Variants in DDAH1 observed in about 807,000 individuals in gnomAD.
DDAH1 encodes the protein dimethylarginine dimethylaminohydrolase 1, also known as N(G),N(G)-dimethylarginine dimethylaminohydrolase 1.
A neutral mutation model predicts 28.8 loss-of-function variants in DDAH1; 19 were observed. That is an observed-to-expected ratio of 0.66 (90% CI 0.46 to 0.97). DDAH1 has a LOEUF of 0.97. Among genes scored for constraint, DDAH1 ranks in the 50% least tolerant of loss-of-function variants. The pLI is 0.00. For missense variants in DDAH1, 326 were observed against 375.9 expected (o/e 0.87, Z 1.10); for synonymous variants, 153 against 154.4 (o/e 0.99, Z 0.07).
chr1:85,320,273 G>A lies in DDAH1; in HGVS notation c.*1179C>T, dbSNP rs1661268212. The stretch of plus-strand genomic sequence containing the variant: ...ATTGGATCCCACAGTAAATATTCAC[G>A]GATATTTCAAAGTAGAATTGTCCAC... On this transcript the variant is annotated 3_prime_UTR_variant, in exon 6 of 6. Transcript: ENST00000284031. 1 of 152,574 alleles carries A rather than the reference G, an allele frequency of 6.6e-6. No homozygotes were observed. The highest frequency in any genetic ancestry group is 2.4e-5 in the African/African-American group (1 of 41,412). The allele number at this position is 152,574 out of a possible 1,614,324, so 9.5% of individuals were successfully genotyped here.
intron 4 of DDAH1, among the ~76,000 whole-genome samples, 173 bp downstream of exon 4, chr1:85,350,242 G>T (rs750390757): frequency 1.4e-4 from 21 of 152,064 alleles, no homozygotes; most frequent in Non-Finnish European, 2.6e-4. Flanking sequence ...ACACTTAGGT[G>T]TTCCTGGCTT....
intron 1 of DDAH1, among the ~76,000 whole-genome samples, chr1:85,406,860 T>C (rs1421079993): frequency 3.3e-5 from 5 of 152,120 alleles, no homozygotes; most frequent in Non-Finnish European, 5.9e-5. Flanking sequence ...AAAACTATTA[T>C]ATTAAAGCTT....
At chr1:85,508,495 G>T (rs1014412556) in intron 1 of DDAH1, among the ~76,000 whole-genome samples, 1 of 152,204 alleles carries the variant, frequency 6.6e-6, no homozygotes, top group African/African-American at 2.4e-5. Flanking sequence ...CCCATGGAGG[G>T]CAAGCTGAAG....
chr1:85,469,605 C>T (rs78190312), upstream of DDAH1, among the ~76,000 whole-genome samples: 6 of 152,168 alleles, frequency 3.9e-5, no homozygotes, highest in South Asian at 2.1e-4. Context: ...GATTTCCTAC[C>T]GAATGCCAAA....
intron 4 of DDAH1, among the ~76,000 whole-genome samples, 181 bp downstream of exon 4, chr1:85,350,234 A>G (rs942994161): frequency 6.6e-6 from 1 of 151,996 alleles, no homozygotes; most frequent in African/African-American, 2.4e-5. Context: ...TTCTTCCTAC[A>G]CTTAGGTGTT....
intron 1 of DDAH1, among the ~76,000 whole-genome samples, chr1:85,415,589 G>C (rs554245922): frequency 6.6e-6 from 1 of 152,048 alleles, no homozygotes; most frequent in South Asian, 2.1e-4. Context: ...GTAATGTTAA[G>C]TAAAATAAGT....
At chr1:85,338,498 ATTTAC>A (rs1239533737) in intron 4 of DDAH1, among the ~76,000 whole-genome samples, 4 of 152,248 alleles carry the variant, frequency 2.6e-5, no homozygotes, top group South Asian at 4.2e-4. Context: ...GGACATAACA[ATTTAC>A]TTTAGGAATA....
intron 1 of DDAH1, among the ~76,000 whole-genome samples, chr1:85,426,680 G>A (rs1570526579): frequency 6.6e-6 from 1 of 152,218 alleles, no homozygotes; most frequent in East Asian, 1.9e-4. Context: ...GGTCGAGGTG[G>A]GAGGATGGCT....
At chr1:85,479,747 GT>G (rs1372036696) in intron 2 of DDAH1, among the ~76,000 whole-genome samples, 2 of 152,180 alleles carry the variant, frequency 1.3e-5, no homozygotes, top group Non-Finnish European at 2.9e-5. Context: ...TGCTAGTTCA[GT>G]TTGCTGGGCC....
chr1:85,344,614 T>A (rs916279689), intron 4 of DDAH1, among the ~76,000 whole-genome samples: 5 of 145,340 alleles, frequency 3.4e-5, no homozygotes, highest in Non-Finnish European at 7.6e-5. Context: ...CTTTCCTTCC[T>A]TAAGAAAATT....
intron 4 of DDAH1, among the ~76,000 whole-genome samples, chr1:85,330,986 G>A (rs1326852047): frequency 6.6e-6 from 1 of 152,224 alleles, no homozygotes; most frequent in African/African-American, 2.4e-5. Flanking sequence ...CAGCTGTAGG[G>A]AGGAAATAGC....
chr1:85,448,490 T>A (rs1419802950), intron 1 of DDAH1, among the ~76,000 whole-genome samples: 1 of 152,158 alleles, frequency 6.6e-6, no homozygotes, highest in Non-Finnish European at 1.5e-5. Flanking sequence ...CAAGTGAGTA[T>A]CCCTCTGTTG....
intron 1 of DDAH1, among the ~76,000 whole-genome samples, chr1:85,394,400 T>TG (rs1651704512): frequency 6.6e-6 from 1 of 152,242 alleles, no homozygotes; most frequent in Non-Finnish European, 1.5e-5. Context: ...TGCCCCGTCT[T>TG]GGACTTTCCA....
chr1:85,381,206 G>A (rs1458344045), intron 1 of DDAH1, among the ~76,000 whole-genome samples: 1 of 147,094 alleles, frequency 6.8e-6, no homozygotes, highest in Admixed American at 6.9e-5. Flanking sequence ...TCCAGCCTGT[G>A]TGACAAGAGC....
intron 2 of DDAH1, among the ~76,000 whole-genome samples, chr1:85,485,534 C>T (rs1255039508): frequency 6.6e-6 from 1 of 152,082 alleles, no homozygotes; most frequent in Non-Finnish European, 1.5e-5. Context: ...CAAGAAATGG[C>T]ATCAGAACTA....
In DDAH1 at chr1:85,557,103, C is replaced by A. The variant is rs570637070; in HGVS notation, c.-123+20881G>T. ...TTGTACTCCAGCCTGGGTGACAGAG[C>A]GAGACTCTGTCTCAAAAGAAATAGA... is the stretch of plus-strand genomic sequence containing the variant. On this transcript the variant is annotated intron_variant, in intron 1 of 6. Coordinates refer to the DDAH1 transcript ENST00000426972. 7.6e-4 allele frequency among the ~76,000 whole-genome samples: 115 copies of A among 152,140 alleles called. 2 individuals are homozygous for A. The South Asian group carries it at 0.02, about 26-fold the overall frequency.
intron 1 of DDAH1, among the ~76,000 whole-genome samples, chr1:85,570,208 T>A (rs1014261196): frequency 2.6e-5 from 4 of 152,180 alleles, no homozygotes; most frequent in Admixed American, 6.5e-5. Flanking sequence ...GACCCCTGCA[T>A]TCTTTCTTGC....
intron 1 of DDAH1, among the ~76,000 whole-genome samples, chr1:85,427,472 C>A (rs1253738530): frequency 6.6e-6 from 1 of 152,184 alleles, no homozygotes; most frequent in Admixed American, 6.5e-5. Context: ...CCAACTGGTT[C>A]ATATGGTAAC....
chr1:85,467,149 T>C (rs1290438836), upstream of DDAH1: 1 of 152,238 alleles, frequency 6.6e-6, no homozygotes, highest in African/African-American at 2.4e-5. Context: ...TTTATTCTTA[T>C]TATATATTGT....
Sources: allele counts gnomAD v4.1 joint callset (sites outside exome capture counted in the v4.1 genomes callset), GRCh38; gene constraint gnomAD v4.1.1; transcripts MANE v1.5; gene names NCBI Gene and HGNC (gene_info 2026-07-23, HGNC 2026-07-21).